The following MOGAT1 variants were observed in gnomAD, a reference collection of about 807,000 sequenced individuals.
MOGAT1 encodes monoacylglycerol O-acyltransferase 1, also known as 2-acylglycerol O-acyltransferase 1.
MOGAT1 carries 32 observed loss-of-function variants against 31.4 expected under a neutral mutation model. The observed-to-expected ratio is 1.02, with a 90% CI of 0.77 to 1.37. MOGAT1 has a LOEUF of 1.37. Among genes scored for constraint, MOGAT1 ranks in the 40% most tolerant of loss-of-function variants. The pLI is 0.00. For synonymous variants in MOGAT1, 145 were observed against 144.5 expected (o/e 1.00, Z -0.03); for missense variants, 426 against 402.0 (o/e 1.06, Z -0.51).
At chr2:222,679,644 A>G (rs911224728) in intron 1 of MOGAT1, among the ~76,000 whole-genome samples, 1 of 152,250 alleles carries the variant, frequency 6.6e-6, no homozygotes, top group Non-Finnish European at 1.5e-5. Flanking sequence ...AAGTTCCCTT[A>G]CTAATGTCCT....
In MOGAT1 at chr2:222,689,345, C is replaced by G; in HGVS notation, c.354C>G (p.Ala118=). Residue 118 remains alanine, a synonymous_variant, in exon 3 of 6, where the codon GCC becomes GCG. Coordinates refer to ENST00000446656, the MANE Select transcript of MOGAT1 (RefSeq NM_058165.3). ...FHPHGIMAVG[A]FGNFSVNYSD... ...CCCATGGAATAATGGCAGTTGGAGC[C>G]TTTGGGAATTTTTCTGTAAATTATT... is the stretch of plus-strand genomic sequence containing the variant. 6.2e-7 allele frequency: 1 copy of G among 1,613,990 alleles called. No homozygotes were observed. Among genetic ancestry groups the G allele is most frequent in the South Asian group, 1.1e-5 (1 of 91,088 alleles).
At chr2:222,674,512 T>C (rs1692467059) in intron 1 of MOGAT1, among the ~76,000 whole-genome samples, 1 of 152,162 alleles carries the variant, frequency 6.6e-6, no homozygotes, top group African/African-American at 2.4e-5. Context: ...GTTATGTAGG[T>C]AAATTGATCA....
chr2:222,673,593 G>A (rs1191385793), intron 1 of MOGAT1, among the ~76,000 whole-genome samples: 1 of 152,196 alleles, frequency 6.6e-6, no homozygotes, highest in Admixed American at 6.5e-5. Context: ...TGCTCAAGGC[G>A]ATGCAGCTAG....
At chr2:222,678,032 G>C (rs543826719) in intron 1 of MOGAT1, 1 of 246,424 alleles carries the variant, frequency 4.1e-6, no homozygotes, top group East Asian at 1.1e-4. Context: ...GCCCTCACCA[G>C]TTTTGATATT....
intron 1 of MOGAT1, among the ~76,000 whole-genome samples, chr2:222,682,305 TATG>T: frequency 6.6e-6 from 1 of 152,280 alleles, no homozygotes; most frequent in Non-Finnish European, 1.5e-5. Context: ...TTATCAGGGA[TATG>T]ATAATCTTAT....
intron 3 of MOGAT1, among the ~76,000 whole-genome samples, chr2:222,692,338 C>T (rs970497545): frequency 6.6e-6 from 1 of 152,158 alleles, no homozygotes; most frequent in Non-Finnish European, 1.5e-5. Context: ...ACTATTTTGT[C>T]ATTATTATCA....
Position 222,691,111 on chromosome 2 carries a change from C to A in MOGAT1, c.478+1642C>A, listed in dbSNP as rs76770269. On this transcript the variant is annotated intron_variant, in intron 3 of 5. Transcript: ENST00000446656. ...TCTTAGAGTCTTTCTCCGTATAGTG[C>A]CCCTACAGCCACTGCAGTTTACTAG... Among the ~76,000 whole-genome samples, 31 of 152,236 alleles carry A rather than the reference C, an allele frequency of 2.0e-4. No homozygotes were observed. The South Asian group carries it at 6.4e-3, about 32-fold the overall frequency.
chr2:222,701,497 G>C (rs536221565), intron 5 of MOGAT1, among the ~76,000 whole-genome samples: 1 of 146,450 alleles, frequency 6.8e-6, no homozygotes, highest in African/African-American at 2.5e-5. Context: ...AGAGAGAGTG[G>C]GGAGGGATGG....
intron 5 of MOGAT1, among the ~76,000 whole-genome samples, chr2:222,698,376 GACA>G (rs1412872157): frequency 6.6e-6 from 1 of 152,210 alleles, no homozygotes; most frequent in Non-Finnish European, 1.5e-5. Context: ...CAAGAAGGTA[GACA>G]ACATTATAGA....
chr2:222,688,142 G>A (rs184472672), intron 1 of MOGAT1, among the ~76,000 whole-genome samples: 4 of 152,134 alleles, frequency 2.6e-5, no homozygotes, highest in Admixed American at 1.3e-4. Flanking sequence ...ACCTTGGCAG[G>A]GTCCATAACA....
chr2:222,703,743 T>C (rs748355202), intron 5 of MOGAT1, among the ~76,000 whole-genome samples: 1 of 152,194 alleles, frequency 6.6e-6, no homozygotes, highest in Non-Finnish European at 1.5e-5. Context: ...TACAGCTATG[T>C]AGCATGTTGG....
At chr2:222,697,322 T>A (rs557510419) in intron 5 of MOGAT1, among the ~76,000 whole-genome samples, 1 of 152,196 alleles carries the variant, frequency 6.6e-6, no homozygotes, top group Non-Finnish European at 1.5e-5. Flanking sequence ...TGCAATCACA[T>A]GACATTATTT....
At chr2:222,685,887 A>G (rs1247148471) in intron 1 of MOGAT1, among the ~76,000 whole-genome samples, 2 of 152,026 alleles carry the variant, frequency 1.3e-5, no homozygotes, top group African/African-American at 4.8e-5. Flanking sequence ...GTCACGAGCC[A>G]CTGTGCCCGG....
intron 3 of MOGAT1, among the ~76,000 whole-genome samples, 191 bp from the exon 4 acceptor site, chr2:222,694,171 G>A (rs7592038): frequency 0.41 from 61,752 of 151,980 alleles, 13,430 homozygotes; most frequent in African/African-American, 0.57. Flanking sequence ...TACCTGCCAA[G>A]ATGTTAACTT....
At chr2:222,700,964 ATTAAC>A (rs1251266026) in intron 5 of MOGAT1, among the ~76,000 whole-genome samples, 3 of 152,162 alleles carry the variant, frequency 2.0e-5, no homozygotes, top group Non-Finnish European at 4.4e-5. Flanking sequence ...CTCCTACTTT[ATTAAC>A]TTAAGTAAGC....
At chr2:222,695,527 C>T (rs1692825956) in intron 5 of MOGAT1, among the ~76,000 whole-genome samples, 1 of 152,088 alleles carries the variant, frequency 6.6e-6, no homozygotes, top group Admixed American at 6.6e-5. Flanking sequence ...AAGTAAAATC[C>T]AATTTTCAAA....
rs1692987990 is a variant in MOGAT1, at chr2:222,705,193, G to T, written c.854-4543G>T. Among the ~76,000 whole-genome samples the T allele has an allele frequency of 3.3e-5, 5 of 152,188 alleles. No homozygotes were observed. The South Asian group carries it at 1.0e-3, about 32-fold the overall frequency. ...GGGAGTGTAGCAGTGAGGATGACCA[G>T]AGGTCATACGTTGCCATCTTGGTTT... On this transcript the variant is annotated intron_variant, in intron 5 of 5. Coordinates refer to ENST00000446656, the MANE Select transcript of MOGAT1 (RefSeq NM_058165.3).
At chr2:222,701,537 A>AAGAT (rs145633996) in intron 5 of MOGAT1, among the ~76,000 whole-genome samples, 2 of 142,396 alleles carry the variant, frequency 1.4e-5, no homozygotes, top group Admixed American at 7.2e-5. Flanking sequence ...AAGAAAGAGA[A>AAGAT]AGAAAAAAGA....
intron 5 of MOGAT1, among the ~76,000 whole-genome samples, chr2:222,696,365 A>G (rs1348528107): frequency 6.6e-6 from 1 of 152,234 alleles, no homozygotes; most frequent in Non-Finnish European, 1.5e-5. Context: ...CGGTTGTACT[A>G]GTTCACATTC....
Sources: allele counts gnomAD v4.1 joint callset (sites outside exome capture counted in the v4.1 genomes callset), GRCh38; gene constraint gnomAD v4.1.1; transcripts MANE v1.5; gene names NCBI Gene and HGNC (gene_info 2026-07-23, HGNC 2026-07-21).